Variants in C3orf20 observed in about 807,000 individuals in gnomAD.
C3orf20 encodes uncharacterized protein C3orf20.
Under a neutral mutation model 88.3 loss-of-function variants are expected in C3orf20, and 76 were observed. That is an observed-to-expected ratio of 0.86 (90% CI 0.72 to 1.04). The LOEUF is 1.04. Among genes scored for constraint, C3orf20 ranks in the 50% least tolerant of loss-of-function variants. The pLI, the probability that C3orf20 is intolerant of heterozygous loss-of-function variation, is 0.00. For synonymous variants in C3orf20, 436 were observed against 437.4 expected, an observed-to-expected ratio of 1.00 and a Z score of 0.04; for missense variants, 1,056 against 1,123.3, an observed-to-expected ratio of 0.94 and a Z score of 0.86.
At chr3:14,694,963 G>A (rs936875217) in intron 5 of C3orf20, among the ~76,000 whole-genome samples, 1 of 152,046 alleles carries the variant, frequency 6.6e-6, no homozygotes, top group Admixed American at 6.6e-5. Context: ...GGTAATTTTT[G>A]TATTTTTAGT....
At chr3:14,715,248 A>T in intron 8 of C3orf20, 41 bp from the exon 9 acceptor site, 1 of 1,597,332 alleles carries the variant, frequency 6.3e-7, no homozygotes, top group Non-Finnish European at 8.5e-7. Flanking sequence ...AGCTTCCTTC[A>T]GGGGCCCGGT....
chr3:14,683,315 C>A, intron 3 of C3orf20, 118 bp downstream of exon 3: 1 of 1,283,950 alleles, frequency 7.8e-7, no homozygotes, highest in Non-Finnish European at 1.0e-6. Flanking sequence ...GATGCCTTCC[C>A]TCTGCGGCTC....
chr3:14,680,326 G>A (rs545584347), intron 1 of C3orf20, among the ~76,000 whole-genome samples: 3 of 152,314 alleles, frequency 2.0e-5, no homozygotes, highest in South Asian at 4.1e-4. Flanking sequence ...GTCATTAAAA[G>A]GAGTGAAGTA....
intron 9 of C3orf20, 84 bp from the exon 10 acceptor site, chr3:14,721,569 G>T: frequency 6.4e-7 from 1 of 1,554,920 alleles, no homozygotes; most frequent in Non-Finnish European, 8.7e-7. Flanking sequence ...GCCAACAGGG[G>T]CTTTGTGCTT....
At position 14,682,656 on chromosome 3, in the gene C3orf20, G is replaced by T. The variant is rs200880624; in HGVS notation, c.-58G>T. 2.5e-5 allele frequency: 38 copies of T among 1,544,228 alleles called. No homozygotes were observed. The highest frequency in any genetic ancestry group is 3.3e-5 in the Non-Finnish European group (38 of 1,148,000). ...ATCTCCAAGCCTTCACCGTAGGGAA[G>T]AACTTTTGCTCTCAGTCACCTCTCA... On this transcript the variant is annotated 5_prime_UTR_variant, in exon 3 of 17. Transcript: ENST00000253697.
chr3:14,729,990 A>G (rs1362668042), intron 12 of C3orf20, among the ~76,000 whole-genome samples: 2 of 152,354 alleles, frequency 1.3e-5, no homozygotes, highest in East Asian at 3.9e-4. Flanking sequence ...ATATCCTATA[A>G]CTACCAAGTC....
intron 12 of C3orf20, among the ~76,000 whole-genome samples, chr3:14,733,843 C>T (rs1015241249): frequency 4.6e-5 from 7 of 152,130 alleles, no homozygotes; most frequent in African/African-American, 1.7e-4. Flanking sequence ...CATGCACCAC[C>T]ACACCCAGCT....
intron 5 of C3orf20, among the ~76,000 whole-genome samples, chr3:14,695,101 C>T (rs988953260): frequency 1.3e-5 from 2 of 152,038 alleles, no homozygotes; most frequent in Non-Finnish European, 2.9e-5. Context: ...TGAAGTTTTT[C>T]TTCTTTTTGA....
At chr3:14,708,590 A>T (rs1236896910) in intron 7 of C3orf20, among the ~76,000 whole-genome samples, 6 of 151,994 alleles carry the variant, frequency 3.9e-5, no homozygotes, top group Admixed American at 3.9e-4. Context: ...TAGGCATTGC[A>T]TTGATTCTGT....
At chr3:14,720,501 T>G (rs1450181259) in intron 9 of C3orf20, among the ~76,000 whole-genome samples, 1 of 152,026 alleles carries the variant, frequency 6.6e-6, no homozygotes, top group Non-Finnish European at 1.5e-5. Context: ...ACTGGAATAG[T>G]AGAAAGAAAT....
chr3:14,689,973 G>C (rs762294394), intron 4 of C3orf20, 24 bp from the exon 5 acceptor site: 2 of 1,613,408 alleles, frequency 1.2e-6, no homozygotes. Flanking sequence ...GTTGAAAGAA[G>C]AATCTCTCTC....
At chr3:14,762,943 G>A (rs907341510) in intron 15 of C3orf20, among the ~76,000 whole-genome samples, 1 of 152,204 alleles carries the variant, frequency 6.6e-6, no homozygotes, top group Non-Finnish European at 1.5e-5. Context: ...GGGGAAGGCA[G>A]GCCCAGGAGG....
Position 14,729,966 on chromosome 3 carries a change from A to G in C3orf20, c.1940+1278A>G, listed in dbSNP as rs550415364. On this transcript the variant is annotated intron_variant, in intron 12 of 16. Coordinates refer to ENST00000253697, the MANE Select transcript of C3orf20 (RefSeq NM_032137.5). ...ATCCTAAGTGTGTAGCTCAATTAAT[A>G]TTACAAAGTAAACATATCCTATAAC... 5.3e-5 allele frequency among the ~76,000 whole-genome samples: 8 copies of G among 152,372 alleles called. No individual in the cohort carries two copies. The South Asian group carries it at 1.7e-3, about 32-fold the overall frequency.
chr3:14,731,764 C>T (rs1433176736), intron 12 of C3orf20, among the ~76,000 whole-genome samples: 4 of 152,142 alleles, frequency 2.6e-5, no homozygotes, highest in Non-Finnish European at 4.4e-5. Context: ...GTGCCAAGTT[C>T]CCAGACACCA....
intron 12 of C3orf20, among the ~76,000 whole-genome samples, chr3:14,732,642 G>T (rs866070944): frequency 1.2e-4 from 18 of 152,288 alleles, no homozygotes; most frequent in Non-Finnish European, 2.2e-4. Context: ...TAGGGAGGGG[G>T]TGCTACTGCC....
At chr3:14,717,520 T>C (rs1386762443) in intron 9 of C3orf20, among the ~76,000 whole-genome samples, 2 of 152,148 alleles carry the variant, frequency 1.3e-5, no homozygotes, top group African/African-American at 2.4e-5. Flanking sequence ...CAAGTGCTTC[T>C]TGTAAAAGAC....
chr3:14,738,630 C>CTTTTT (rs34407504), intron 12 of C3orf20, among the ~76,000 whole-genome samples: 4 of 73,478 alleles, frequency 5.4e-5, no homozygotes, highest in African/African-American at 1.3e-4. Flanking sequence ...CATGCCCGGC[C>CTTTTT]TTTTTTTTTT....
At position 14,728,672 on chromosome 3, in the gene C3orf20, G is replaced by A; in HGVS notation, c.1924G>A (p.Ala642Thr). 1 of 1,613,648 alleles carries A rather than the reference G, an allele frequency of 6.2e-7. No homozygotes were observed. The highest frequency in any genetic ancestry group is 8.5e-7 in the Non-Finnish European group (1 of 1,180,024). Residue 642 changes from alanine to threonine, a missense_variant, in exon 12 of 17, where the codon GCC becomes ACC. By Grantham distance (58) the Ala-to-Thr change is moderately conservative. Transcript: ENST00000253697. ...VRKTTKIHTKAKVTSRGKARE... is the reference protein window; with the variant it reads ...VRKTTKIHTKTKVTSRGKARE... ...GAAGACCACCAAAATCCACACCAAA[G>A]CCAAGGTCACATCCAGGTTGGCTTG... is the stretch of plus-strand genomic sequence containing the variant.
At chr3:14,758,950 C>T (rs2035473570) in intron 13 of C3orf20, among the ~76,000 whole-genome samples, 1 of 152,270 alleles carries the variant, frequency 6.6e-6, no homozygotes, top group South Asian at 2.1e-4. Flanking sequence ...AGATAAAATC[C>T]CTGCCCACGG....
Sources: allele counts gnomAD v4.1 joint callset (sites outside exome capture counted in the v4.1 genomes callset), GRCh38; gene constraint gnomAD v4.1.1; transcripts MANE v1.5; gene names NCBI Gene and HGNC (gene_info 2026-07-23, HGNC 2026-07-21).